The following PUDP variants were observed in gnomAD, a reference collection of about 807,000 sequenced individuals.
PUDP encodes pseudouridine-5'-phosphatase.
In PUDP, 8 loss-of-function variants were observed where a neutral mutation model predicts 9.4. The observed-to-expected ratio is 0.85, with a 90% confidence interval of 0.50 to 1.53. PUDP has a LOEUF of 1.53. Among genes scored for constraint, PUDP ranks in the 40% most tolerant of loss-of-function variants. PUDP has a pLI of 0.00. For missense variants in PUDP, 188 were observed against 189.7 expected (o/e 0.99, Z 0.05); for synonymous variants, 99 against 80.7 (o/e 1.23, Z -1.22).
At chrX:6,968,036 T>C (rs947105950) in intron 3 of PUDP, among the ~76,000 whole-genome samples, 20 of 112,536 alleles carry the variant, frequency 1.8e-4, no homozygotes, top group African/African-American at 4.2e-4. Context: ...TGTTTCTACA[T>C]GCTGTCCATG....
intron 3 of PUDP, among the ~76,000 whole-genome samples, chrX:6,901,950 C>T (rs1927694615): frequency 9.0e-6 from 1 of 110,930 alleles, no homozygotes; most frequent in Non-Finnish European, 1.9e-5. Context: ...CATAGCTCAC[C>T]GCAGCCAAAA....
chrX:7,113,736 C>G (rs977375314), intron 1 of PUDP, among the ~76,000 whole-genome samples: 3 of 112,116 alleles, frequency 2.7e-5, no homozygotes, highest in Non-Finnish European at 5.6e-5. Context: ...CTAAGATATT[C>G]TACTGCTTGT....
At chrX:6,883,986 G>A (rs988778515) in intron 3 of PUDP, among the ~76,000 whole-genome samples, 7 of 110,888 alleles carry the variant, frequency 6.3e-5, no homozygotes, top group Non-Finnish European at 1.3e-4. Context: ...GACTACAGGC[G>A]CCCGCCACCA....
At chrX:6,732,332 G>T in intron 3 of PUDP, among the ~76,000 whole-genome samples, 1 of 110,791 alleles carries the variant, frequency 9.0e-6, no homozygotes, top group Admixed American at 9.7e-5. Context: ...TGTAGGTTTA[G>T]AACTGTTTTC....
At chrX:6,784,415 G>C (rs1046777185) in intron 3 of PUDP, among the ~76,000 whole-genome samples, 1 of 111,289 alleles carries the variant, frequency 9.0e-6, no homozygotes, top group African/African-American at 3.3e-5. Context: ...CTGGATGTCA[G>C]GGCTGGCATC....
At chrX:6,777,413 T>C (rs1414037817) in intron 3 of PUDP, among the ~76,000 whole-genome samples, 1 of 111,867 alleles carries the variant, frequency 8.9e-6, no homozygotes, top group Non-Finnish European at 1.9e-5. Context: ...CCAATAGAAA[T>C]ATCCTCATTT....
In PUDP at chrX:6,804,179, T is replaced by G. The variant is rs147465045; in HGVS notation, c.*248-97713A>C. Among the ~76,000 whole-genome samples the G allele has an allele frequency of 7.3e-3, 813 of 111,036 alleles. 14 individuals are homozygous for G. The highest frequency in any genetic ancestry group is 0.025 in the African/African-American group (777 of 30,556). ...TGCACACACGCAGACACCAGGCACA[T>G]GCATGTATCTCCACCCACGCTGGAA... On this transcript the variant is annotated intron_variant and NMD_transcript_variant, in intron 3 of 3. Transcript: ENST00000655425.
At chrX:6,791,833 C>T (rs185077315) in intron 3 of PUDP, among the ~76,000 whole-genome samples, 22 of 112,403 alleles carry the variant, frequency 2.0e-4, no homozygotes, top group Non-Finnish European at 3.7e-5. Flanking sequence ...GAAACTAACA[C>T]ATTTAGTGAA....
At chrX:6,846,409 CAAAAAAAA>C (rs55712277) in intron 3 of PUDP, among the ~76,000 whole-genome samples, 1 of 63,410 alleles carries the variant, frequency 1.6e-5, no homozygotes, top group East Asian at 4.6e-4. Flanking sequence ...GACTCCCTCT[CAAAAAAAA>C]AAAAAAAAAA....
chrX:6,856,771 G>T (rs1334230120), intron 3 of PUDP, among the ~76,000 whole-genome samples: 1 of 111,373 alleles, frequency 9.0e-6, no homozygotes, highest in Non-Finnish European at 1.9e-5. Context: ...GGTGTTTCAG[G>T]ATGGGATTAA....
chrX:6,725,444 T>C (rs1924727882), upstream of PUDP, among the ~76,000 whole-genome samples: 1 of 111,681 alleles, frequency 9.0e-6, no homozygotes, highest in Non-Finnish European at 1.9e-5. Context: ...TATGTCCAGC[T>C]GTACACATTA....
At chrX:7,026,581 G>A (rs1237806759) in intron 1 of PUDP, among the ~76,000 whole-genome samples, 2 of 111,472 alleles carry the variant, frequency 1.8e-5, no homozygotes, top group East Asian at 2.8e-4. Context: ...GCCCCCATGC[G>A]GTTGGTCTCG....
At chrX:6,872,305 A>G (rs1437534854) in intron 3 of PUDP, among the ~76,000 whole-genome samples, 4 of 111,415 alleles carry the variant, frequency 3.6e-5, no homozygotes, top group African/African-American at 1.3e-4. Context: ...CTTTATGCAT[A>G]CCTTGGTATC....
intron 2 of PUDP, among the ~76,000 whole-genome samples, chrX:7,084,033 G>A (rs1931191850): frequency 8.9e-6 from 1 of 112,042 alleles, no homozygotes; most frequent in Non-Finnish European, 1.9e-5. Flanking sequence ...TTCACTTCCT[G>A]AGGACTACAG....
intron 1 of PUDP, among the ~76,000 whole-genome samples, chrX:6,979,917 T>C (rs1929008352): frequency 9.0e-6 from 1 of 111,209 alleles, no homozygotes; most frequent in African/African-American, 3.3e-5. Context: ...CTTTGGCTTC[T>C]GCTTTTAAAA....
chrX:7,016,472 G>C (rs1056643600), intron 1 of PUDP, among the ~76,000 whole-genome samples: 2 of 111,500 alleles, frequency 1.8e-5, no homozygotes, highest in South Asian at 7.7e-4. Flanking sequence ...CAGGAAAAGA[G>C]ATTGGGTAGC....
intron 3 of PUDP, among the ~76,000 whole-genome samples, chrX:6,852,235 G>A (rs1226408755): frequency 8.9e-6 from 1 of 112,252 alleles, no homozygotes; most frequent in Non-Finnish European, 1.9e-5. Context: ...ACATTGGAAG[G>A]GCATACTGGT....
At chrX:6,923,006 C>A (rs1473435506) in intron 3 of PUDP, among the ~76,000 whole-genome samples, 5 of 111,974 alleles carry the variant, frequency 4.5e-5, no homozygotes, top group Non-Finnish European at 9.4e-5. Flanking sequence ...AACCCCCAAT[C>A]ACTTCCCCAC....
chrX:6,865,463 T>C (rs1221983527), intron 3 of PUDP, among the ~76,000 whole-genome samples: 2 of 112,108 alleles, frequency 1.8e-5, no homozygotes, highest in Non-Finnish European at 3.8e-5. Context: ...CCAAGAAATA[T>C]TATAACACTT....
Sources: gnomAD v4.1 joint callset for allele counts (sites outside exome capture counted in the v4.1 genomes callset) on GRCh38, gnomAD v4.1.1 for gene constraint, MANE v1.5 for transcripts, NCBI Gene and HGNC (gene_info 2026-07-23, HGNC 2026-07-21) for gene names.